Variants in NCAM2 observed in about 807,000 individuals in gnomAD.
NCAM2 encodes the protein N-CAM-2.
Under a neutral mutation model 98.1 loss-of-function variants are expected in NCAM2, and 30 were observed. The ratio of observed to expected loss-of-function variants is 0.31; its 90% CI spans 0.23 to 0.41. The LOEUF (loss-of-function observed/expected upper bound fraction) is 0.41, where lower values mean the gene tolerates loss of function less well. Among genes scored for constraint, NCAM2 ranks in the 10% least tolerant of loss-of-function variants. The pLI is 1.00. For missense variants in NCAM2, 867 were observed against 1,005.8 expected, an observed-to-expected ratio of 0.86 and a Z score of 1.87; for synonymous variants, 368 against 342.4, an observed-to-expected ratio of 1.07 and a Z score of -0.83.
At chr21:21,368,271 T>A (rs2075834096) in intron 8 of NCAM2, among the ~76,000 whole-genome samples, 1 of 151,820 alleles carries the variant, frequency 6.6e-6, no homozygotes, top group South Asian at 2.1e-4. Context: ...CAAGAAATAT[T>A]TCTTTTCTCT....
intron 1 of NCAM2, among the ~76,000 whole-genome samples, chr21:21,215,416 T>C (rs540572959): frequency 3.3e-5 from 5 of 152,246 alleles, no homozygotes; most frequent in African/African-American, 1.2e-4. Flanking sequence ...CTCTAATAAA[T>C]AGAGTTTGTA....
In NCAM2 at chr21:21,009,883, C is replaced by G. The variant is rs1024329545; in HGVS notation, c.55+11265C>G. On this transcript the variant is annotated intron_variant, in intron 1 of 17. Transcript: ENST00000400546. ...AAAATCCTCCTTTGGCCTCTGATAGCTGTGTGTGTGTGTGTGTGTGTGTGT... is the reference window on the plus strand; with the variant it reads ...AAAATCCTCCTTTGGCCTCTGATAGGTGTGTGTGTGTGTGTGTGTGTGTGT... Among the ~76,000 whole-genome samples the G allele has an allele frequency of 9.6e-4, 134 of 139,734 alleles. 1 individual carries two copies. Among genetic ancestry groups the G allele is most frequent in the South Asian group, 3.1e-3 (13 of 4,146 alleles). The allele number at this position is 139,734 out of a possible 152,430, so 91.7% of individuals were successfully genotyped here.
intron 1 of NCAM2, among the ~76,000 whole-genome samples, chr21:21,055,104 A>G (rs1206766355): frequency 4.6e-5 from 7 of 152,014 alleles, no homozygotes; most frequent in Admixed American, 2.0e-4. Flanking sequence ...TTTTCAGACA[A>G]CCTTTCTTAT....
intron 1 of NCAM2, among the ~76,000 whole-genome samples, chr21:21,148,629 A>T (rs2067359518): frequency 1.3e-5 from 2 of 152,184 alleles, no homozygotes; most frequent in Admixed American, 1.3e-4. Context: ...CTAGGCCTGA[A>T]GCTTTTTTTG....
At chr21:21,309,583 C>T (rs184618580) in intron 5 of NCAM2, among the ~76,000 whole-genome samples, 155 of 152,306 alleles carry the variant, frequency 1.0e-3, no homozygotes, top group Non-Finnish European at 1.9e-3. Flanking sequence ...TTACTTTCCT[C>T]TCATGGGTGC....
At chr21:21,057,061 C>T (rs1033220648) in intron 1 of NCAM2, among the ~76,000 whole-genome samples, 3 of 151,864 alleles carry the variant, frequency 2.0e-5, no homozygotes, top group African/African-American at 7.3e-5. Context: ...ACTTTCCCCC[C>T]AAAATATAAA....
chr21:21,024,370 C>G (rs1318616279), intron 1 of NCAM2, among the ~76,000 whole-genome samples: 1 of 151,966 alleles, frequency 6.6e-6, no homozygotes, highest in African/African-American at 2.4e-5. Context: ...GTTTTGTGTT[C>G]TCCAAGAAAT....
intron 1 of NCAM2, among the ~76,000 whole-genome samples, chr21:21,030,752 C>T (rs762958371): frequency 4.6e-5 from 7 of 152,030 alleles, no homozygotes; most frequent in Non-Finnish European, 1.0e-4. Flanking sequence ...TGAAGAGCTC[C>T]AAAGCGATGA....
At chr21:21,467,486 T>G (rs1376039266) in intron 13 of NCAM2, among the ~76,000 whole-genome samples, 1 of 148,282 alleles carries the variant, frequency 6.7e-6, no homozygotes, top group African/African-American at 2.5e-5. Context: ...TCTTACAGAG[T>G]ATCTCTCTAT....
intron 12 of NCAM2, among the ~76,000 whole-genome samples, chr21:21,464,711 C>T (rs963218347): frequency 2.6e-5 from 4 of 152,254 alleles, no homozygotes; most frequent in Admixed American, 2.0e-4. Context: ...TTCCTCTTCT[C>T]ATTCCATAAT....
chr21:21,064,891 C>G (rs1038785263), intron 1 of NCAM2, among the ~76,000 whole-genome samples: 6 of 151,978 alleles, frequency 3.9e-5, no homozygotes, highest in Admixed American at 2.6e-4. Context: ...AAAAGTCTCA[C>G]TTCCAAGGGT....
chr21:21,210,129 G>A (rs1349068015), intron 1 of NCAM2, among the ~76,000 whole-genome samples: 1 of 152,168 alleles, frequency 6.6e-6, no homozygotes, highest in African/African-American at 2.4e-5. Context: ...ACTTGAATGT[G>A]CAATACATTG....
At chr21:21,107,555 C>T (rs549686862) in intron 1 of NCAM2, among the ~76,000 whole-genome samples, 1 of 151,966 alleles carries the variant, frequency 6.6e-6, no homozygotes, top group Admixed American at 6.6e-5. Context: ...AAATTTCCTA[C>T]TTAATTTTTG....
At chr21:21,438,309 A>G (rs1978694624) in intron 12 of NCAM2, among the ~76,000 whole-genome samples, 3 of 152,184 alleles carry the variant, frequency 2.0e-5, no homozygotes, top group Non-Finnish European at 2.9e-5. Flanking sequence ...ATATTGTAGC[A>G]TAAATACTGT....
intron 1 of NCAM2, among the ~76,000 whole-genome samples, chr21:21,186,484 C>T (rs1373815152): frequency 5.9e-5 from 9 of 152,038 alleles, no homozygotes; most frequent in Admixed American, 2.0e-4. Flanking sequence ...TAAGACCATG[C>T]TAGCTAACAC....
chr21:21,533,223 C>T, intron 16 of NCAM2, among the ~76,000 whole-genome samples: 1 of 123,360 alleles, frequency 8.1e-6, no homozygotes. Flanking sequence ...ATTTTAATAT[C>T]CTATATCCAC....
intron 1 of NCAM2, among the ~76,000 whole-genome samples, chr21:21,191,812 G>C (rs2068833475): frequency 6.6e-6 from 1 of 152,220 alleles, no homozygotes; most frequent in Non-Finnish European, 1.5e-5. Flanking sequence ...TGAGGTCACT[G>C]TCCTTAGGAT....
intron 12 of NCAM2, among the ~76,000 whole-genome samples, chr21:21,443,406 C>G (rs62214329): frequency 0.17 from 25,228 of 149,844 alleles, 2,411 homozygotes; most frequent in Non-Finnish European, 0.2. Flanking sequence ...CACATGAACC[C>G]CAGAACTTAA....
At chr21:21,450,837 T>C (rs756205011) in intron 12 of NCAM2, among the ~76,000 whole-genome samples, 1 of 145,052 alleles carries the variant, frequency 6.9e-6, no homozygotes, top group African/African-American at 2.6e-5. Context: ...CACACACATA[T>C]CTCCTGTCAC....
Sources: gnomAD v4.1 joint callset for allele counts (sites outside exome capture counted in the v4.1 genomes callset) on GRCh38, gnomAD v4.1.1 for gene constraint, MANE v1.5 for transcripts, NCBI Gene and HGNC (gene_info 2026-07-23, HGNC 2026-07-21) for gene names.